PRKCI: variants seen among roughly 807,000 people sequenced by gnomAD.
PRKCI encodes the protein protein kinase C iota type.
In PRKCI, 43 loss-of-function variants were observed where a neutral mutation model predicts 84.0. The observed-to-expected ratio is 0.51, with a 90% CI of 0.40 to 0.66. The LOEUF (loss-of-function observed/expected upper bound fraction) is 0.66. Ranked by LOEUF, PRKCI falls within the 30% of genes least tolerant of loss-of-function variation. The pLI is 0.00. For missense variants in PRKCI, 459 were observed against 745.6 expected (o/e 0.62, Z 4.48); for synonymous variants, 216 against 234.4 (o/e 0.92, Z 0.72).
At chr3:170,286,015 C>G (rs1391020177) in intron 12 of PRKCI, among the ~76,000 whole-genome samples, 1 of 151,870 alleles carries the variant, frequency 6.6e-6, no homozygotes, top group Non-Finnish European at 1.5e-5. Flanking sequence ...ACCTCCACCT[C>G]CCAGGTTCAA....
intron 10 of PRKCI, 164 bp from the exon 11 acceptor site, chr3:170,281,718 C>G: frequency 1.2e-6 from 1 of 825,106 alleles, no homozygotes; most frequent in Admixed American, 3.8e-5. Context: ...TTTACTTTCT[C>G]GTATGTTCCG....
intron 4 of PRKCI, among the ~76,000 whole-genome samples, chr3:170,265,223 C>G (rs114543345): frequency 9.2e-4 from 140 of 151,928 alleles, no homozygotes; most frequent in African/African-American, 3.3e-3. Context: ...GCACTCCAAT[C>G]TACGTGATTC....
rs577671287 is a variant in PRKCI, at chr3:170,271,154, C to T, written c.591+593C>T. ...ATATCCTTCCAGAACTTTTCCTGTG[C>T]AAATTTATATGCATAAACATTTTTA... On this transcript the variant is annotated intron_variant, in intron 6 of 17. Coordinates refer to ENST00000295797, the MANE Select transcript of PRKCI (RefSeq NM_002740.6). Among the ~76,000 whole-genome samples, 9 of 152,114 alleles carry T rather than the reference C, an allele frequency of 5.9e-5. No homozygotes were observed. In the South Asian group the frequency reaches 1.9e-3, roughly 32 times the overall value.
intron 12 of PRKCI, among the ~76,000 whole-genome samples, chr3:170,285,205 G>C (rs368074298): frequency 6.7e-6 from 1 of 150,280 alleles, no homozygotes; most frequent in East Asian, 2.0e-4. Context: ...TCAGCCTCCC[G>C]AGTAGCTGGG....
intron 1 of PRKCI, among the ~76,000 whole-genome samples, chr3:170,229,489 T>C (rs1294606093): frequency 6.6e-6 from 1 of 152,190 alleles, no homozygotes; most frequent in Non-Finnish European, 1.5e-5. Context: ...TTTTTTTTAA[T>C]ATGTTTTGTA....
chr3:170,288,185 G>A (rs1421346834), intron 12 of PRKCI, among the ~76,000 whole-genome samples: 1 of 151,690 alleles, frequency 6.6e-6, no homozygotes, highest in Admixed American at 6.6e-5. Context: ...GGCGGAGCTT[G>A]CAGTGACCCG....
In PRKCI at chr3:170,295,910, G is replaced by T; in HGVS notation, c.1418-1G>T. ...TAATACTATAATTTTTATCTTTCTA[G>T]TTATTTTGGAAAAACAAATTCGCAT... On this transcript the variant is annotated splice_acceptor_variant, in intron 14 of 17. Transcript: ENST00000295797. LOFTEE classifies it high-confidence loss of function. 1 of 1,545,500 alleles carries T rather than the reference G, an allele frequency of 6.5e-7. No individual in the cohort carries two copies. The highest frequency in any genetic ancestry group is 8.8e-7 in the Non-Finnish European group (1 of 1,135,820).
Position 170,284,611 on chromosome 3 carries a change from C to T in PRKCI, c.1203+15C>T. 6.2e-7 allele frequency: 1 copy of T among 1,604,722 alleles called. No individual in the cohort carries two copies. The highest frequency in any genetic ancestry group is 8.5e-7 in the Non-Finnish European group (1 of 1,177,662). On this transcript the variant is annotated intron_variant, in intron 12 of 17. Transcript: ENST00000295797. ...GCATGTGTAAGGTGAGGAAAATTTT[C>T]TAGTTATTTTAAAAGGTCTTCAGCA...
At chr3:170,258,574 T>C (rs758302555) in intron 2 of PRKCI, among the ~76,000 whole-genome samples, 3 of 152,070 alleles carry the variant, frequency 2.0e-5, no homozygotes, top group Non-Finnish European at 2.9e-5. Flanking sequence ...ACTGTTGGGA[T>C]TACAGGCCAC....
chr3:170,248,867 A>G (rs1385625823), intron 2 of PRKCI, among the ~76,000 whole-genome samples: 3 of 134,516 alleles, frequency 2.2e-5, no homozygotes, highest in African/African-American at 8.4e-5. Context: ...TTTTTTTTTG[A>G]GAGGGAGTCT....
chr3:170,286,861 C>T (rs1194685079), intron 12 of PRKCI, among the ~76,000 whole-genome samples: 4 of 148,788 alleles, frequency 2.7e-5, no homozygotes, highest in African/African-American at 7.4e-5. Flanking sequence ...TGCCCAGGCT[C>T]GTCTCAAACC....
At chr3:170,251,997 T>A (rs1372740971) in intron 2 of PRKCI, among the ~76,000 whole-genome samples, 2 of 152,002 alleles carry the variant, frequency 1.3e-5, no homozygotes, top group Non-Finnish European at 2.9e-5. Flanking sequence ...GGGTGGATCC[T>A]GAGGTCAGGA....
chr3:170,277,086 C>A (rs892422897), intron 8 of PRKCI, among the ~76,000 whole-genome samples: 145 of 128,230 alleles, frequency 1.1e-3, no homozygotes, highest in Non-Finnish European at 1.3e-3. Context: ...ACTAAAAATA[C>A]AAAAAAAAAA....
chr3:170,231,082 C>T (rs1242257406), intron 1 of PRKCI, among the ~76,000 whole-genome samples: 1 of 150,846 alleles, frequency 6.6e-6, no homozygotes, highest in Non-Finnish European at 1.5e-5. Context: ...GTCTCAGTCT[C>T]TCAAGTAGCT....
chr3:170,241,818 G>A (rs1733141315), intron 2 of PRKCI, among the ~76,000 whole-genome samples: 1 of 148,822 alleles, frequency 6.7e-6, no homozygotes, highest in South Asian at 2.1e-4. Flanking sequence ...GTACCACCAT[G>A]CCTAGCTACT....
chr3:170,276,236 G>C (rs1050381590), intron 8 of PRKCI, among the ~76,000 whole-genome samples: 1 of 152,130 alleles, frequency 6.6e-6, no homozygotes, highest in East Asian at 1.9e-4. Flanking sequence ...ACCATGCCCA[G>C]CCAAAACTTT....
At chr3:170,266,964 G>T (rs558283660) in intron 4 of PRKCI, among the ~76,000 whole-genome samples, 1 of 152,326 alleles carries the variant, frequency 6.6e-6, no homozygotes, top group East Asian at 1.9e-4. Context: ...CTGGACTCCA[G>T]CCTGGGTGAT....
chr3:170,261,883 T>TG (rs994901347), intron 3 of PRKCI, among the ~76,000 whole-genome samples: 2 of 152,232 alleles, frequency 1.3e-5, no homozygotes, highest in African/African-American at 4.8e-5. Context: ...CTATTTTTTT[T>TG]GTCATCTCTT....
intron 14 of PRKCI, among the ~76,000 whole-genome samples, chr3:170,295,484 C>G (rs1484192517): frequency 6.6e-6 from 1 of 151,902 alleles, no homozygotes; most frequent in Non-Finnish European, 1.5e-5. Flanking sequence ...TGAGACCAGC[C>G]CGGCCAGCAT....
Sources: gnomAD v4.1 joint callset for allele counts (sites outside exome capture counted in the v4.1 genomes callset) on GRCh38, gnomAD v4.1.1 for gene constraint, MANE v1.5 for transcripts, NCBI Gene and HGNC (gene_info 2026-07-23, HGNC 2026-07-21) for gene names.